The following LRMDA variants were observed in gnomAD, a reference collection of about 807,000 sequenced individuals.
The protein encoded by LRMDA is leucine rich melanocyte differentiation associated.
LRMDA carries 18 observed loss-of-function variants against 29.8 expected under a neutral mutation model. The ratio of observed to expected loss-of-function variants is 0.60; its 90% confidence interval spans 0.42 to 0.90. The LOEUF (loss-of-function observed/expected upper bound fraction) is 0.90, where lower values mean the gene tolerates loss of function less well. LRMDA is among the 40% of genes least tolerant of loss of function. The pLI is 0.00. For missense variants in LRMDA, 273 were observed against 273.9 expected, an observed-to-expected ratio of 1.00 and a Z score of 0.02; for synonymous variants, 125 against 109.4, an observed-to-expected ratio of 1.14 and a Z score of -0.89.
At chr10:76,308,502 G>A (rs967882112) in intron 5 of LRMDA, among the ~76,000 whole-genome samples, 2 of 152,084 alleles carry the variant, frequency 1.3e-5, no homozygotes, top group Non-Finnish European at 2.9e-5. Context: ...ACAGGTAACT[G>A]CAGTTACCCA....
At chr10:75,726,270 A>T (rs1864512668) in intron 2 of LRMDA, among the ~76,000 whole-genome samples, 1 of 152,124 alleles carries the variant, frequency 6.6e-6, no homozygotes, top group Admixed American at 6.5e-5. Context: ...GTTGGTGGTG[A>T]GTGGGGGTAA....
rs1268735914 is a variant in LRMDA at position 76,461,532 on chromosome 10, G to A, written c.602-95677G>A. ...TGGTTCTTAGCAAATGTTCTTCCCC[G>A]TAGGTAGAGTGCCTTAACTCTAGAA... is the stretch of plus-strand genomic sequence containing the variant. On this transcript the variant is annotated intron_variant, in intron 6 of 6. Coordinates refer to ENST00000611255, the MANE Select transcript of LRMDA (RefSeq NM_001305581.2). Among the ~76,000 whole-genome samples the A allele has an allele frequency of 2.0e-5, 3 of 152,246 alleles. No homozygotes were observed. The South Asian group carries it at 6.2e-4, about 32-fold the overall frequency.
At chr10:76,053,301 C>T (rs912267036) in intron 4 of LRMDA, among the ~76,000 whole-genome samples, 4 of 152,146 alleles carry the variant, frequency 2.6e-5, no homozygotes, top group Non-Finnish European at 4.4e-5. Context: ...TGCAGGTTAT[C>T]TGGGGGAGTT....
At chr10:76,370,263 A>G (rs1221305523) in intron 6 of LRMDA, among the ~76,000 whole-genome samples, 1 of 152,102 alleles carries the variant, frequency 6.6e-6, no homozygotes, top group Non-Finnish European at 1.5e-5. Flanking sequence ...CAAACAAACA[A>G]AAAACCCATC....
intron 5 of LRMDA, among the ~76,000 whole-genome samples, chr10:76,204,812 A>G (rs897296077): frequency 1.3e-5 from 2 of 152,200 alleles, no homozygotes; most frequent in Non-Finnish European, 2.9e-5. Flanking sequence ...ATGTTATTTG[A>G]GCTGCCATCC....
chr10:75,817,947 T>C (rs1844089238), intron 2 of LRMDA, among the ~76,000 whole-genome samples: 1 of 152,178 alleles, frequency 6.6e-6, no homozygotes, highest in Non-Finnish European at 1.5e-5. Flanking sequence ...ACTCTTTCCA[T>C]CTTTTTTCTC....
chr10:76,249,561 A>G (rs886899496), intron 5 of LRMDA, among the ~76,000 whole-genome samples: 3 of 152,262 alleles, frequency 2.0e-5, no homozygotes, highest in Admixed American at 6.5e-5. Context: ...TACAGCCAAG[A>G]GAAAACTGTG....
At chr10:75,645,121 T>C (rs1017875903) in intron 2 of LRMDA, among the ~76,000 whole-genome samples, 2 of 151,992 alleles carry the variant, frequency 1.3e-5, no homozygotes, top group Admixed American at 1.3e-4. Flanking sequence ...TAGCTGGGAC[T>C]ACAGATGTGC....
Position 76,428,543 on chromosome 10 carries a change from C to T in LRMDA, c.601+104058C>T, listed in dbSNP as rs1466129997. On this transcript the variant is annotated intron_variant, in intron 6 of 6. Transcript: ENST00000611255. Reference sequence around the variant, plus strand: ...AGGCCCCACATTAACTGTGCCAAGACCAGAAAACACAGAGACTTGGCCTAG... The same window carrying T: ...AGGCCCCACATTAACTGTGCCAAGATCAGAAAACACAGAGACTTGGCCTAG... 2.0e-5 allele frequency among the ~76,000 whole-genome samples: 3 copies of T among 152,162 alleles called. No individual in the cohort carries two copies. The East Asian group carries it at 5.8e-4, about 29-fold the overall frequency.
chr10:75,610,090 A>C (rs941911873), intron 2 of LRMDA, among the ~76,000 whole-genome samples: 3 of 152,184 alleles, frequency 2.0e-5, no homozygotes. Flanking sequence ...AAAGAAATAC[A>C]GCTTTATCAC....
At chr10:75,701,846 A>T (rs1357646890) in intron 2 of LRMDA, among the ~76,000 whole-genome samples, 2 of 152,046 alleles carry the variant, frequency 1.3e-5, no homozygotes, top group African/African-American at 4.8e-5. Context: ...TTTGTTTCTG[A>T]TCCATTTTCT....
chr10:75,919,465 C>T (rs1845992163), intron 2 of LRMDA, among the ~76,000 whole-genome samples: 3 of 152,262 alleles, frequency 2.0e-5, no homozygotes, highest in South Asian at 4.2e-4. Context: ...CTGTGCACCG[C>T]CACTCGTTGA....
At chr10:75,837,946 A>G (rs1342360092) in intron 2 of LRMDA, among the ~76,000 whole-genome samples, 3 of 152,160 alleles carry the variant, frequency 2.0e-5, no homozygotes, top group African/African-American at 7.2e-5. Flanking sequence ...TTGGGTAGAC[A>G]TGTCCTAAAG....
At chr10:75,738,981 A>T (rs1303344101) in intron 2 of LRMDA, among the ~76,000 whole-genome samples, 1 of 152,186 alleles carries the variant, frequency 6.6e-6, no homozygotes, top group Non-Finnish European at 1.5e-5. Flanking sequence ...CTGAGGTAGC[A>T]CCTGGCTGAT....
chr10:75,631,249 C>T (rs1841318047), intron 2 of LRMDA, among the ~76,000 whole-genome samples: 1 of 152,162 alleles, frequency 6.6e-6, no homozygotes, highest in African/African-American at 2.4e-5. Flanking sequence ...TCCTATATCC[C>T]TTCTACCTCC....
At chr10:75,937,092 G>A (rs538012177) in intron 2 of LRMDA, among the ~76,000 whole-genome samples, 10 of 152,136 alleles carry the variant, frequency 6.6e-5, no homozygotes, top group African/African-American at 1.4e-4. Flanking sequence ...CCTAAAATAC[G>A]TATATTGTGA....
intron 2 of LRMDA, among the ~76,000 whole-genome samples, chr10:75,941,669 G>T (rs985576539): frequency 1.3e-5 from 2 of 152,086 alleles, no homozygotes; most frequent in African/African-American, 2.4e-5. Context: ...CGAGCCACCT[G>T]GAATGTAGAG....
At chr10:76,336,001 A>G (rs1030533256) in intron 6 of LRMDA, among the ~76,000 whole-genome samples, 1 of 152,172 alleles carries the variant, frequency 6.6e-6, no homozygotes, top group Non-Finnish European at 1.5e-5. Context: ...CCTGGCCAAC[A>G]GGAGGGAGTC....
chr10:75,649,071 C>A (rs1841565325), intron 2 of LRMDA, among the ~76,000 whole-genome samples: 1 of 152,178 alleles, frequency 6.6e-6, no homozygotes, highest in Non-Finnish European at 1.5e-5. Context: ...GAACTTTGTT[C>A]ATTTTGTAAA....
Sources: gnomAD v4.1 joint callset for allele counts (sites outside exome capture counted in the v4.1 genomes callset) on GRCh38, gnomAD v4.1.1 for gene constraint, MANE v1.5 for transcripts, NCBI Gene and HGNC (gene_info 2026-07-23, HGNC 2026-07-21) for gene names.